The following F13A1 variants were observed in gnomAD, a reference collection of about 807,000 sequenced individuals.
F13A1 encodes FSF, A subunit.
F13A1 carries 47 observed loss-of-function variants against 80.1 expected under a neutral mutation model. That is an observed-to-expected ratio of 0.59 (90% CI 0.46 to 0.75). The LOEUF (loss-of-function observed/expected upper bound fraction) is 0.75, where lower values mean the gene tolerates loss of function less well. Among genes scored for constraint, F13A1 ranks in the 30% least tolerant of loss-of-function variants. The pLI, the probability that F13A1 is intolerant of heterozygous loss-of-function variation, is 0.00. For synonymous variants in F13A1, 349 were observed against 344.9 expected (o/e 1.01, Z -0.13); for missense variants, 817 against 930.4 (o/e 0.88, Z 1.59).
rs1199605865 is a variant in F13A1, at chr6:6,292,357, C to T, written c.319+12994G>A. 3.9e-5 allele frequency among the ~76,000 whole-genome samples: 6 copies of T among 152,164 alleles called. No individual in the cohort carries two copies. The East Asian group carries it at 1.2e-3, about 29-fold the overall frequency. ...AGCCACCTGGAAGTCGACCTTGACCCTCCTCCCTTCCACCCCTCACAGACT... is the reference window on the plus strand; with the variant it reads ...AGCCACCTGGAAGTCGACCTTGACCTTCCTCCCTTCCACCCCTCACAGACT... On this transcript the variant is annotated intron_variant, in intron 3 of 14. Coordinates refer to ENST00000264870, the MANE Select transcript of F13A1 (RefSeq NM_000129.4).
In F13A1 at chr6:6,164,243, G is replaced by A. The variant is rs184529053; in HGVS notation, c.1908+3215C>T. Reference sequence around the variant, plus strand: ...AGAAACTAATGCAGGAACAGAAAACGTAATACCGCATGTTCTCACTTATAG... The same window carrying A: ...AGAAACTAATGCAGGAACAGAAAACATAATACCGCATGTTCTCACTTATAG... On this transcript the variant is annotated intron_variant, in intron 13 of 14. Transcript: ENST00000264870. 5.0e-3 allele frequency among the ~76,000 whole-genome samples: 760 copies of A among 152,228 alleles called. 2 individuals carry two copies. Among genetic ancestry groups the A allele is most frequent in the Non-Finnish European group, 8.4e-3 (569 of 68,010 alleles).
chr6:6,310,840 T>C (rs1758579705), intron 2 of F13A1, among the ~76,000 whole-genome samples: 2 of 152,206 alleles, frequency 1.3e-5, no homozygotes, highest in East Asian at 1.9e-4. Flanking sequence ...TGAGAAGGCA[T>C]GGTGTGAGGC....
Position 6,250,861 on chromosome 6 carries a change from A to C in F13A1, c.640T>G (p.Phe214Val). 1 of 1,613,770 alleles carries C rather than the reference A, an allele frequency of 6.2e-7. No homozygotes were observed. The highest frequency in any genetic ancestry group is 2.2e-5 in the East Asian group (1 of 44,860). ...EYVLNDIGVI[F>V]YGEVNDIKTR... is the part of the protein sequence containing the mutation. ...TTGATGTCATTGACCTCTCCATAAA[A>C]AATTACCCCGATGTCATTCAGGACA... Residue 214 changes from phenylalanine (F) to valine (V), a missense_variant, in exon 5 of 15, where the codon TTT becomes GTT. Physicochemically the swap from Phe to Val is conservative, Grantham distance 50. Transcript: ENST00000264870. The surrounding 1 kb of genome is among the most constrained non-coding windows in gnomAD (Gnocchi z 4.2).
At chr6:6,230,998 A>G (rs1361373615) in intron 6 of F13A1, among the ~76,000 whole-genome samples, 1 of 152,214 alleles carries the variant, frequency 6.6e-6, no homozygotes, top group Non-Finnish European at 1.5e-5. Flanking sequence ...AAGGAACTGT[A>G]ATATGACAAA....
At chr6:6,210,217 A>G (rs1242312440) in intron 8 of F13A1, among the ~76,000 whole-genome samples, 1 of 150,926 alleles carries the variant, frequency 6.6e-6, no homozygotes, top group Non-Finnish European at 1.5e-5. Flanking sequence ...GTGAGAGACA[A>G]CCTGTCTCAA....
At chr6:6,228,351 T>C (rs1333079998) in intron 6 of F13A1, among the ~76,000 whole-genome samples, 1 of 152,174 alleles carries the variant, frequency 6.6e-6, no homozygotes, top group African/African-American at 2.4e-5. Context: ...AGAGGCAACA[T>C]GGCTCAGCTC....
chr6:6,247,899 C>A (rs1409591832), intron 6 of F13A1, among the ~76,000 whole-genome samples: 1 of 152,222 alleles, frequency 6.6e-6, no homozygotes, highest in African/African-American at 2.4e-5. Flanking sequence ...TTCATTTCTT[C>A]ACTCTTACTA....
chr6:6,232,929 A>C (rs778413292), intron 6 of F13A1, among the ~76,000 whole-genome samples: 12 of 152,184 alleles, frequency 7.9e-5, no homozygotes, highest in Non-Finnish European at 1.6e-4. Flanking sequence ...ACAACTTATC[A>C]AAGCCTCTGG....
At chr6:6,284,687 C>T (rs1463150028) in intron 3 of F13A1, among the ~76,000 whole-genome samples, 1 of 152,162 alleles carries the variant, frequency 6.6e-6, no homozygotes, top group African/African-American at 2.4e-5. Flanking sequence ...GAAATATTTC[C>T]TTCTCACTAG....
intron 10 of F13A1, among the ~76,000 whole-genome samples, chr6:6,183,009 GC>G (rs1279864232): frequency 6.6e-6 from 1 of 152,138 alleles, no homozygotes; most frequent in Non-Finnish European, 1.5e-5. Flanking sequence ...CTGCCCCCAA[GC>G]TCTCCCAAGG....
At chr6:6,309,614 C>T (rs777871683) in intron 2 of F13A1, among the ~76,000 whole-genome samples, 1 of 152,096 alleles carries the variant, frequency 6.6e-6, no homozygotes, top group Non-Finnish European at 1.5e-5. Context: ...GGAGACCATG[C>T]GAAGGAGTTT....
At chr6:6,163,696 A>G (rs991222633) in intron 13 of F13A1, among the ~76,000 whole-genome samples, 1 of 152,138 alleles carries the variant, frequency 6.6e-6, no homozygotes. Context: ...CTATGGCTGC[A>G]TTGTGTCCAG....
chr6:6,210,583 C>T (rs1013788165), intron 8 of F13A1, among the ~76,000 whole-genome samples: 25 of 150,770 alleles, frequency 1.7e-4, no homozygotes, highest in Admixed American at 9.9e-4. Flanking sequence ...TTAGTAGAGA[C>T]GGGATTTTTA....
chr6:6,297,424 A>C (rs1758347565), intron 3 of F13A1, among the ~76,000 whole-genome samples: 1 of 150,666 alleles, frequency 6.6e-6, no homozygotes, highest in African/African-American at 2.5e-5. Flanking sequence ...ACAATTTCAG[A>C]TCCTGTTATT....
intron 3 of F13A1, among the ~76,000 whole-genome samples, chr6:6,300,743 T>C (rs545795404): frequency 6.6e-6 from 1 of 152,264 alleles, no homozygotes; most frequent in Admixed American, 6.5e-5. Context: ...GAGCTGTTCC[T>C]ATTCGGCCAT....
At chr6:6,299,268 T>C (rs1389209616) in intron 3 of F13A1, among the ~76,000 whole-genome samples, 1 of 109,648 alleles carries the variant, frequency 9.1e-6, no homozygotes, top group Non-Finnish European at 1.7e-5. Context: ...TGGCGTTCTC[T>C]GTATTTCCTG....
chr6:6,191,597 C>T (rs1583064358), intron 10 of F13A1, among the ~76,000 whole-genome samples: 1 of 152,172 alleles, frequency 6.6e-6, no homozygotes, highest in East Asian at 1.9e-4. Context: ...CACCTGGGCC[C>T]ATAGAATGTG....
In F13A1 at chr6:6,203,367, C is replaced by A. The variant is rs149879632; in HGVS notation, c.1113-6041G>T. Among the ~76,000 whole-genome samples the A allele has an allele frequency of 3.5e-4, 54 of 152,338 alleles. No homozygotes were observed. The East Asian group carries it at 9.2e-3, about 26-fold the overall frequency. On this transcript the variant is annotated intron_variant, in intron 8 of 14. Coordinates refer to ENST00000264870, the MANE Select transcript of F13A1 (RefSeq NM_000129.4). ...GATTTTGCAGAAGTAATTAAGTTTACTAATCTGTTGACTTTGAGTTAATTA... is the reference window on the plus strand; with the variant it reads ...GATTTTGCAGAAGTAATTAAGTTTAATAATCTGTTGACTTTGAGTTAATTA...
At chr6:6,191,279 C>G (rs1761193225) in intron 10 of F13A1, among the ~76,000 whole-genome samples, 1 of 152,150 alleles carries the variant, frequency 6.6e-6, no homozygotes, top group Admixed American at 6.5e-5. Context: ...CTGAGCCTAC[C>G]TTCCTTGTCG....
Sources: gnomAD v4.1 joint callset for allele counts (sites outside exome capture counted in the v4.1 genomes callset) on GRCh38, gnomAD v4.1.1 for gene constraint, Gnocchi (gnomAD v3.1) non-coding constraint, MANE v1.5 for transcripts, NCBI Gene and HGNC (gene_info 2026-07-23, HGNC 2026-07-21) for gene names.